Variants in DEPDC5 observed in about 807,000 individuals in gnomAD.
The protein encoded by DEPDC5 is DEP domain containing 5, GATOR1 subcomplex subunit, also known as GATOR1 complex protein DEPDC5.
Under a neutral mutation model 217.3 loss-of-function variants are expected in DEPDC5, and 73 were observed. That is an observed-to-expected ratio of 0.34 (90% confidence interval 0.28 to 0.41). The LOEUF is 0.41. Among genes scored for constraint, DEPDC5 ranks in the 10% least tolerant of loss-of-function variants. DEPDC5 has a pLI of 1.00. For synonymous variants in DEPDC5, 733 were observed against 756.7 expected, an observed-to-expected ratio of 0.97 and a Z score of 0.51; for missense variants, 1,675 against 2,070.1, an observed-to-expected ratio of 0.81 and a Z score of 3.70.
intron 38 of DEPDC5, 139 bp downstream of exon 38, chr22:31,879,891 G>A: frequency 1.2e-6 from 1 of 816,490 alleles, no homozygotes; most frequent in Non-Finnish European, 1.9e-6. Flanking sequence ...GTGTCTGTCG[G>A]CACTGTTGGC....
At chr22:31,894,969 C>T (rs1276536885) in intron 39 of DEPDC5, 1 of 151,948 alleles carries the variant, frequency 6.6e-6, no homozygotes, top group African/African-American at 2.4e-5. Context: ...TGGAGAAACC[C>T]CGTCTCTACT....
At chr22:31,836,918 C>CAA in intron 25 of DEPDC5, 54 bp from the exon 26 acceptor site, 4 of 1,115,698 alleles carry the variant, frequency 3.6e-6, no homozygotes, top group Non-Finnish European at 3.8e-6. Flanking sequence ...GGCCCCCCAT[C>CAA]CCACACTTGC....
At chr22:31,801,686 C>T (rs1026309853) in intron 14 of DEPDC5, among the ~76,000 whole-genome samples, 12 of 152,270 alleles carry the variant, frequency 7.9e-5, no homozygotes, top group African/African-American at 1.9e-4. Context: ...GCTCTCTGTT[C>T]AGAATTTACA....
intron 14 of DEPDC5, among the ~76,000 whole-genome samples, chr22:31,800,514 C>T (rs1260980931): frequency 2.0e-5 from 3 of 152,142 alleles, no homozygotes; most frequent in African/African-American, 7.2e-5. Context: ...TCATTTGCTT[C>T]TCATGGTCAG....
chr22:31,877,956 G>A (rs1203807289), intron 37 of DEPDC5, among the ~76,000 whole-genome samples: 1 of 151,994 alleles, frequency 6.6e-6, no homozygotes, highest in Non-Finnish European at 1.5e-5. Flanking sequence ...GGGAGGCCGA[G>A]GTGGGTGGAT....
intron 21 of DEPDC5, chr22:31,817,589 C>T (rs934766847): frequency 2.7e-5 from 6 of 218,994 alleles, no homozygotes; most frequent in East Asian, 1.3e-4. Flanking sequence ...CCTGGGCTCA[C>T]GTGATCCTCC....
intron 4 of DEPDC5, 82 bp downstream of exon 4, chr22:31,760,784 G>A (rs2082322473): frequency 4.4e-6 from 5 of 1,148,036 alleles, no homozygotes; most frequent in Admixed American, 2.4e-5. Context: ...AATTTCAAGG[G>A]ATGAGGGCAA....
intron 16 of DEPDC5, 144 bp from the exon 17 acceptor site, chr22:31,804,698 C>T (rs972787572): frequency 1.3e-6 from 1 of 760,884 alleles, no homozygotes. Flanking sequence ...CCTTGGCCTC[C>T]CAAATTGCTG....
At chr22:31,793,674 A>C (rs2085934249) in intron 12 of DEPDC5, among the ~76,000 whole-genome samples, 1 of 151,912 alleles carries the variant, frequency 6.6e-6, no homozygotes, top group African/African-American at 2.4e-5. Flanking sequence ...GGTTCAAGGG[A>C]TTCTCGTTTC....
chr22:31,892,640 C>T (rs915227362), intron 38 of DEPDC5, among the ~76,000 whole-genome samples: 5 of 151,950 alleles, frequency 3.3e-5, no homozygotes, highest in Non-Finnish European at 7.4e-5. Context: ...GCCAAGATCA[C>T]GCTACTGCAC....
At chr22:31,787,738 G>A (rs902851959) in intron 10 of DEPDC5, among the ~76,000 whole-genome samples, 5 of 151,456 alleles carry the variant, frequency 3.3e-5, no homozygotes, top group African/African-American at 1.2e-4. Context: ...CTTGATCACA[G>A]GAATTTGAGG....
intron 19 of DEPDC5, 97 bp downstream of exon 19, chr22:31,809,744 CCAAGGTTGGT>C (rs2088026901): frequency 7.5e-7 from 1 of 1,331,288 alleles, no homozygotes; most frequent in East Asian, 2.5e-5. Context: ...CTTTGGGAGG[CCAAGGTTGGT>C]GGATCACCTG....
chr22:31,905,847 T>A, intron 41 of DEPDC5, 137 bp from the exon 42 acceptor site: 1 of 743,838 alleles, frequency 1.3e-6, no homozygotes, highest in Non-Finnish European at 2.2e-6. Context: ...ATAAGCAGCC[T>A]GCATGTGCAA....
chr22:31,786,337 A>T (rs1300731425), intron 10 of DEPDC5, among the ~76,000 whole-genome samples: 2 of 150,972 alleles, frequency 1.3e-5, no homozygotes, highest in Non-Finnish European at 2.9e-5. Context: ...GGCAGATTGC[A>T]TGAGCCCTGG....
At chr22:31,829,419 C>T (rs1271845870) in intron 24 of DEPDC5, among the ~76,000 whole-genome samples, 4 of 152,004 alleles carry the variant, frequency 2.6e-5, no homozygotes, top group African/African-American at 7.2e-5. Context: ...GTAATCCCAG[C>T]GACTTGGGAG....
At chr22:31,833,807 GT>G in intron 24 of DEPDC5, 107 bp from the exon 25 acceptor site, 1 of 895,338 alleles carries the variant, frequency 1.1e-6, no homozygotes, top group Admixed American at 2.4e-5. Context: ...TTTGCACTTG[GT>G]TTACATTTTT....
intron 31 of DEPDC5, 24 bp from the exon 32 acceptor site, chr22:31,857,421 G>C (rs559970250): frequency 6.4e-7 from 1 of 1,573,016 alleles, no homozygotes; most frequent in African/African-American, 1.3e-5. Context: ...GCAAGCTGCT[G>C]TCATGTGCTT....
intron 40 of DEPDC5, among the ~76,000 whole-genome samples, chr22:31,899,248 A>G (rs535689270): frequency 6.6e-6 from 1 of 152,316 alleles, no homozygotes; most frequent in Non-Finnish European, 1.5e-5. Flanking sequence ...CTAAAAATCA[A>G]TTTTCTTGCT....
chr22:31,867,244 A>T (rs1168029831), intron 33 of DEPDC5, among the ~76,000 whole-genome samples: 1 of 152,232 alleles, frequency 6.6e-6, no homozygotes, highest in Non-Finnish European at 1.5e-5. Context: ...AAGTAAATGC[A>T]ACCCCTAAAA....
Sources: gnomAD v4.1 joint callset for allele counts (sites outside exome capture counted in the v4.1 genomes callset) on GRCh38, gnomAD v4.1.1 for gene constraint, MANE v1.5 for transcripts, NCBI Gene and HGNC (gene_info 2026-07-23, HGNC 2026-07-21) for gene names.